The following AGO2 variants were observed in gnomAD, a reference collection of about 807,000 sequenced individuals.
The protein encoded by AGO2 is protein argonaute-2.
AGO2 carries 5 observed loss-of-function variants against 102.3 expected under a neutral mutation model. The ratio of observed to expected loss-of-function variants is 0.05; its 90% CI spans 0.03 to 0.10. The LOEUF is 0.10. Ranked by LOEUF, AGO2 falls within the 10% of genes least tolerant of loss-of-function variation. AGO2 has a pLI of 1.00. For synonymous variants in AGO2, 449 were observed against 473.1 expected, an observed-to-expected ratio of 0.95 and a Z score of 0.66; for missense variants, 541 against 1,183.7, an observed-to-expected ratio of 0.46 and a Z score of 7.97.
chr8:140,610,053 AG>A (rs1368008529), intron 1 of AGO2, among the ~76,000 whole-genome samples: 65 of 133,184 alleles, frequency 4.9e-4, no homozygotes, highest in Non-Finnish European at 8.5e-4. Context: ...AAAAAAAAAA[AG>A]AAAAGCCAGG....
At chr8:140,581,970 C>T (rs1156427349) in intron 2 of AGO2, among the ~76,000 whole-genome samples, 1 of 152,188 alleles carries the variant, frequency 6.6e-6, no homozygotes, top group Non-Finnish European at 1.5e-5. Context: ...CACTCCCCAC[C>T]ATTCCAGGAA....
At chr8:140,562,862 T>C (rs576910598) in intron 3 of AGO2, among the ~76,000 whole-genome samples, 10 of 152,354 alleles carry the variant, frequency 6.6e-5, no homozygotes, top group Admixed American at 3.9e-4. Flanking sequence ...CAGAGCCACA[T>C]GTGGCAGTGG....
intron 1 of AGO2, among the ~76,000 whole-genome samples, chr8:140,632,107 C>T (rs1202502777): frequency 6.6e-6 from 1 of 152,260 alleles, no homozygotes; most frequent in Non-Finnish European, 1.5e-5. Context: ...ATAAGCCCAA[C>T]TGGCATTGTG....
intron 13 of AGO2, among the ~76,000 whole-genome samples, chr8:140,547,191 C>T (rs2072916061): frequency 6.6e-6 from 1 of 152,242 alleles, no homozygotes; most frequent in Admixed American, 6.5e-5. Context: ...CCATCCAAGG[C>T]ATGCCCTGCT....
chr8:140,553,834 G>A (rs1390639023), intron 10 of AGO2, among the ~76,000 whole-genome samples: 1 of 152,176 alleles, frequency 6.6e-6, no homozygotes, highest in Non-Finnish European at 1.5e-5. Flanking sequence ...GAGTAGCTGG[G>A]ATTACAGGCG....
chr8:140,623,548 A>G (rs1393903310), intron 1 of AGO2, among the ~76,000 whole-genome samples: 3 of 152,172 alleles, frequency 2.0e-5, no homozygotes, highest in African/African-American at 7.2e-5. Context: ...CACGGGTCAC[A>G]CCTGGACCTA....
chr8:140,522,202 TTAAA>T lies in AGO2; in HGVS notation c.*9838_*9841del, dbSNP rs1229627078. The T allele has an allele frequency of 6.6e-6, 1 of 152,180 alleles. No homozygotes were observed. The highest frequency in any genetic ancestry group is 2.4e-5 in the African/African-American group (1 of 41,436). 9.4% of individuals were successfully genotyped at this position (152,180 alleles called of 1,614,324 possible). A position where few individuals can be genotyped will look rare whatever the true frequency, so the allele number is the denominator to read the frequency against. On this transcript the variant is annotated 3_prime_UTR_variant, in exon 19 of 19. Transcript: ENST00000220592. ...AAGGCACAAATAAATAAAAATATCATTAAATAAACGGAAATTACAATTTCAAGTT... is the reference window on the plus strand; with the variant it reads ...AAGGCACAAATAAATAAAAATATCATTAAACGGAAATTACAATTTCAAGTT...
In AGO2 at chr8:140,635,054, T is replaced by C. The variant is rs967217169; in HGVS notation, c.22+431A>G. Among the ~76,000 whole-genome samples, 37 of 148,522 alleles carry C rather than the reference T, an allele frequency of 2.5e-4. No individual in the cohort carries two copies. In the South Asian group the frequency reaches 5.5e-3, roughly 22 times the overall value. On this transcript the variant is annotated intron_variant, in intron 1 of 18. Transcript: ENST00000220592. ...CGCTCAGGGTCAGGCCGGGCCGGGC[T>C]GCGGCGCCCCCATCCCCGCCCGGGC...
intron 12 of AGO2, among the ~76,000 whole-genome samples, chr8:140,547,857 G>A (rs927707133): frequency 1.3e-5 from 2 of 152,372 alleles, no homozygotes; most frequent in Middle Eastern, 3.4e-3. Flanking sequence ...GGCTGTGCCC[G>A]CCTCGCCCAG....
intron 1 of AGO2, among the ~76,000 whole-genome samples, chr8:140,587,811 T>C (rs1045120000): frequency 2.0e-5 from 3 of 152,212 alleles, no homozygotes; most frequent in Admixed American, 1.3e-4. Context: ...GCGCTCTCCA[T>C]GTGCTCTCTG....
chr8:140,597,486 C>A lies in AGO2; in HGVS notation c.23-12175G>T, dbSNP rs1217203488. On this transcript the variant is annotated intron_variant, in intron 1 of 18. Transcript: ENST00000220592. The stretch of plus-strand genomic sequence containing the variant: ...GGGTGGCCCCCCCACCCCCCCCCCC[C>A]CGCCCCAGGCCTCCCTGCCTGAGTG... 2.2e-5 allele frequency among the ~76,000 whole-genome samples: 3 copies of A among 138,628 alleles called. No homozygotes were observed. In the East Asian group the frequency reaches 6.3e-4, roughly 29 times the overall value. The allele number at this position is 138,628 out of a possible 152,430, so 90.9% of individuals were successfully genotyped here. A position where few individuals can be genotyped will look rare whatever the true frequency, so the allele number is the denominator to read the frequency against.
At chr8:140,569,027 G>A (rs1360102546) in intron 3 of AGO2, among the ~76,000 whole-genome samples, 4 of 152,066 alleles carry the variant, frequency 2.6e-5, no homozygotes, top group South Asian at 4.1e-4. Context: ...CCTCGCCCCC[G>A]CCCGCCTTCT....
chr8:140,541,427 C>A (rs2072796173), intron 14 of AGO2, 69 bp from the exon 15 acceptor site: 1 of 1,408,926 alleles, frequency 7.1e-7, no homozygotes, highest in African/African-American at 1.4e-5. Flanking sequence ...TGTGCCTGGA[C>A]TCTCGGGAAG....
rs552032601 is a variant in AGO2, at chr8:140,564,217, G to A, written c.337-1583C>T. 4.1e-4 allele frequency among the ~76,000 whole-genome samples: 63 copies of A among 152,314 alleles called. 1 individual carries two copies. The highest frequency in any genetic ancestry group is 1.5e-3 in the African/African-American group (62 of 41,562). Reference sequence around the variant, plus strand: ...TCCAGACATCAGAGCCATACGCACAGGGGATGCAGCACAGCTGAGGAAACC... The same window carrying A: ...TCCAGACATCAGAGCCATACGCACAAGGGATGCAGCACAGCTGAGGAAACC... On this transcript the variant is annotated intron_variant, in intron 3 of 18. Transcript: ENST00000220592.
intron 1 of AGO2, among the ~76,000 whole-genome samples, chr8:140,599,398 G>C (rs1041408274): frequency 6.6e-6 from 1 of 152,210 alleles, no homozygotes; most frequent in African/African-American, 2.4e-5. Flanking sequence ...AACAAAGTCT[G>C]TTGGATTCCA....
chr8:140,562,245 C>T (rs923303243), intron 4 of AGO2, among the ~76,000 whole-genome samples: 1 of 152,228 alleles, frequency 6.6e-6, no homozygotes, highest in Admixed American at 6.5e-5. Flanking sequence ...CGTTCCGGGC[C>T]AGGCCGAAAA....
intron 1 of AGO2, among the ~76,000 whole-genome samples, chr8:140,595,625 TA>T (rs1294794884): frequency 7.4e-6 from 1 of 135,282 alleles, no homozygotes; most frequent in Non-Finnish European, 1.6e-5. Context: ...AATATATATA[TA>T]TATTATATAT....
At chr8:140,565,778 G>T (rs947685804) in intron 3 of AGO2, among the ~76,000 whole-genome samples, 3 of 152,106 alleles carry the variant, frequency 2.0e-5, no homozygotes, top group Admixed American at 6.5e-5. Flanking sequence ...TACGTTTTGG[G>T]GGAGTCAAAA....
At chr8:140,544,083 C>G in intron 14 of AGO2, 130 bp downstream of exon 14, 1 of 970,296 alleles carries the variant, frequency 1.0e-6, no homozygotes, top group Non-Finnish European at 1.5e-6. Flanking sequence ...AGACCCCGGC[C>G]GTCCCTACCG....
Sources: allele counts gnomAD v4.1 joint callset (sites outside exome capture counted in the v4.1 genomes callset), GRCh38; gene constraint gnomAD v4.1.1; transcripts MANE v1.5; gene names NCBI Gene and HGNC (gene_info 2026-07-23, HGNC 2026-07-21).